The following TAFA2 variants were observed in gnomAD, a reference collection of about 807,000 sequenced individuals.
The protein encoded by TAFA2 is chemokine-like protein TAFA-2.
TAFA2 carries 7 observed loss-of-function variants against 18.8 expected under a neutral mutation model. The observed-to-expected ratio is 0.37, with a 90% CI of 0.21 to 0.70. The LOEUF is 0.70. Among genes scored for constraint, TAFA2 ranks in the 30% least tolerant of loss-of-function variants. TAFA2 has a pLI of 0.53. For synonymous variants in TAFA2, 60 were observed against 54.2 expected (o/e 1.11, Z -0.47); for missense variants, 122 against 158.1 (o/e 0.77, Z 1.23).
intron 1 of TAFA2, among the ~76,000 whole-genome samples, chr12:62,043,112 T>C (rs1592300898): frequency 6.6e-6 from 1 of 152,284 alleles, no homozygotes; most frequent in South Asian, 2.1e-4. Flanking sequence ...ATTCACAATA[T>C]TTTAATGTAT....
chr12:62,011,104 C>A (rs1880746327), intron 1 of TAFA2, among the ~76,000 whole-genome samples: 1 of 150,594 alleles, frequency 6.6e-6, no homozygotes, highest in African/African-American at 2.4e-5. Context: ...TGCCCGGCCA[C>A]CCATCGTCTG....
At chr12:61,934,847 A>G (rs1019758630) in intron 1 of TAFA2, among the ~76,000 whole-genome samples, 2 of 152,336 alleles carry the variant, frequency 1.3e-5, no homozygotes, top group African/African-American at 4.8e-5. Flanking sequence ...AATATATAAA[A>G]TTGATTGATT....
At chr12:61,881,776 T>C (rs1443642380) in intron 1 of TAFA2, among the ~76,000 whole-genome samples, 3 of 152,078 alleles carry the variant, frequency 2.0e-5, no homozygotes, top group Admixed American at 2.0e-4. Flanking sequence ...TTAAATGTTA[T>C]CAATTAATCT....
chr12:61,758,922 A>G (rs994443918), intron 2 of TAFA2, among the ~76,000 whole-genome samples: 2 of 151,994 alleles, frequency 1.3e-5, no homozygotes, highest in Non-Finnish European at 2.9e-5. Flanking sequence ...TAGTGACATC[A>G]GTAGGCAGAT....
intron 1 of TAFA2, among the ~76,000 whole-genome samples, chr12:62,051,605 C>T (rs936745832): frequency 2.0e-5 from 3 of 151,772 alleles, no homozygotes; most frequent in Admixed American, 6.6e-5. Context: ...CAATGTAATT[C>T]GTTTACTTAG....
At chr12:62,091,829 T>C (rs907273501) in intron 1 of TAFA2, among the ~76,000 whole-genome samples, 1 of 151,996 alleles carries the variant, frequency 6.6e-6, no homozygotes, top group African/African-American at 2.4e-5. Context: ...AAAGATATTT[T>C]GAAACACTTT....
At chr12:61,957,177 G>C (rs1274092927) in intron 1 of TAFA2, among the ~76,000 whole-genome samples, 1 of 152,126 alleles carries the variant, frequency 6.6e-6, no homozygotes, top group Non-Finnish European at 1.5e-5. Flanking sequence ...TTAGAATAAG[G>C]AGATCTTTGG....
At chr12:62,054,148 C>T (rs1312971296) in intron 1 of TAFA2, among the ~76,000 whole-genome samples, 1 of 152,108 alleles carries the variant, frequency 6.6e-6, no homozygotes, top group Non-Finnish European at 1.5e-5. Context: ...GATACTAAAG[C>T]AATGTTTTGT....
In TAFA2 at chr12:61,999,461, G is replaced by A. The variant is rs181825796; in HGVS notation, c.-1-132035C>T. On this transcript the variant is annotated intron_variant, in intron 1 of 4. Transcript: ENST00000416284. ...ATTACATAACTAGGGGAAGTATGGA[G>A]AAAATATGTGGATACGGCTTCCTAA... Among the ~76,000 whole-genome samples the A allele has an allele frequency of 1.2e-4, 19 of 152,314 alleles. No homozygotes were observed. The East Asian group carries it at 3.3e-3, about 26-fold the overall frequency.
At chr12:61,936,761 C>A (rs1285399212) in intron 1 of TAFA2, among the ~76,000 whole-genome samples, 1 of 152,102 alleles carries the variant, frequency 6.6e-6, no homozygotes, top group Non-Finnish European at 1.5e-5. Context: ...TGGTACAAGA[C>A]AAGGATGCCC....
At chr12:62,011,611 G>A (rs1368393143) in intron 1 of TAFA2, among the ~76,000 whole-genome samples, 1 of 152,094 alleles carries the variant, frequency 6.6e-6, no homozygotes, top group East Asian at 1.9e-4. Context: ...CAAACACTGT[G>A]GAAGGCCGCA....
chr12:61,950,117 AATG>A (rs1275509382), intron 1 of TAFA2, among the ~76,000 whole-genome samples: 4 of 152,134 alleles, frequency 2.6e-5, no homozygotes. Flanking sequence ...TTTAAGGCTG[AATG>A]ATATTTCATT....
chr12:62,166,342 A>G (rs2062439715), intron 1 of TAFA2, among the ~76,000 whole-genome samples: 1 of 152,144 alleles, frequency 6.6e-6, no homozygotes, highest in African/African-American at 2.4e-5. Flanking sequence ...ACCCCTATGG[A>G]GAGACATTTG....
intron 1 of TAFA2, among the ~76,000 whole-genome samples, chr12:62,106,380 A>T (rs1230703768): frequency 6.6e-6 from 1 of 152,036 alleles, no homozygotes; most frequent in African/African-American, 2.4e-5. Context: ...ACAAAAACAA[A>T]AACAAACGAA....
intron 2 of TAFA2, among the ~76,000 whole-genome samples, chr12:61,768,303 G>A (rs1359637078): frequency 6.6e-6 from 1 of 152,104 alleles, no homozygotes; most frequent in Non-Finnish European, 1.5e-5. Flanking sequence ...AAAAAAAATG[G>A]TGAAAAGTAG....
At chr12:62,088,035 A>G (rs1868531247) in intron 1 of TAFA2, among the ~76,000 whole-genome samples, 3 of 152,100 alleles carry the variant, frequency 2.0e-5, no homozygotes, top group East Asian at 1.9e-4. Flanking sequence ...TTTATTCTCA[A>G]CAGTATCCCA....
chr12:62,180,064 T>G (rs2062541615), intron 1 of TAFA2, among the ~76,000 whole-genome samples: 1 of 152,174 alleles, frequency 6.6e-6, no homozygotes, highest in Non-Finnish European at 1.5e-5. Context: ...AAATCATAGC[T>G]CACCCAGTTT....
chr12:62,217,065 G>A (rs1447128188), intron 1 of TAFA2, among the ~76,000 whole-genome samples: 1 of 152,186 alleles, frequency 6.6e-6, no homozygotes, highest in Non-Finnish European at 1.5e-5. Context: ...AAAAAGGGAA[G>A]CACCATGCCT....
At chr12:62,235,281 C>T in intron 1 of TAFA2, 2 of 668,298 alleles carry the variant, frequency 3.0e-6, no homozygotes. Context: ...CACAATCTTC[C>T]CTGATGCCTC....
Sources: gnomAD v4.1 joint callset for allele counts (sites outside exome capture counted in the v4.1 genomes callset) on GRCh38, gnomAD v4.1.1 for gene constraint, MANE v1.5 for transcripts, NCBI Gene and HGNC (gene_info 2026-07-23, HGNC 2026-07-21) for gene names.